ZFP69: variants seen among roughly 807,000 people sequenced by gnomAD.
ZFP69 encodes zinc finger protein 69 homolog.
A neutral mutation model predicts 48.9 loss-of-function variants in ZFP69; 35 were observed. The ratio of observed to expected loss-of-function variants is 0.72; its 90% CI spans 0.55 to 0.95. The LOEUF (loss-of-function observed/expected upper bound fraction) is 0.95. ZFP69 is among the 40% of genes least tolerant of loss of function. The pLI is 0.00. For synonymous variants in ZFP69, 193 were observed against 216.8 expected (o/e 0.89, Z 0.96); for missense variants, 557 against 638.4 (o/e 0.87, Z 1.37).
At chr1:40,494,019 C>T (rs1373983877) in intron 5 of ZFP69, among the ~76,000 whole-genome samples, 3 of 152,000 alleles carry the variant, frequency 2.0e-5, no homozygotes, top group Admixed American at 2.0e-4. Flanking sequence ...TATATATACA[C>T]ACACACAAGT....
chr1:40,489,487 T>A (rs1348935553), intron 4 of ZFP69, 42 bp from the exon 5 acceptor site: 5 of 1,554,700 alleles, frequency 3.2e-6, no homozygotes, highest in Non-Finnish European at 4.4e-6. Context: ...TTCTTAGACA[T>A]CAGCATAAAC....
Position 40,489,441 on chromosome 1 carries a change from C to G in ZFP69, c.347-88C>G, listed in dbSNP as rs74708729. On this transcript the variant is annotated intron_variant, in intron 4 of 5. Transcript: ENST00000372706. ...ACCCACCCCTTTCCACTTGTGGAGA[C>G]CCTGAATACCAGAAGACTCAAAATT... 913 of 1,267,892 alleles carry G rather than the reference C, an allele frequency of 7.2e-4. 8 individuals are homozygous for G. The African/African-American group carries it at 0.013, about 18-fold the overall frequency. 78.5% of individuals were successfully genotyped at this position (1,267,892 alleles called of 1,614,324 possible).
intron 2 of ZFP69, 64 bp downstream of exon 2, chr1:40,479,552 CA>C (rs1243457760): frequency 6.6e-7 from 1 of 1,509,210 alleles, no homozygotes; most frequent in Non-Finnish European, 8.9e-7. Context: ...GATAGGTACA[CA>C]CTTCATTGAA....
Position 40,479,395 on chromosome 1 carries a change from G to C in ZFP69, c.34G>C (p.Glu12Gln). ...GCAGCTCCTGATCACCCTGCCTACC[G>C]AGGCCAGCACCTGGGTGAAGCTGCA... is the stretch of plus-strand genomic sequence containing the variant. ...PQQLLITLPT[E>Q]ASTWVKLQHP... Residue 12 changes from glutamate to glutamine, a missense_variant, in exon 2 of 6, where the codon GAG becomes CAG. Coordinates refer to ENST00000372706, the MANE Select transcript of ZFP69 (RefSeq NM_001320179.2). 1 of 1,614,048 alleles carries C rather than the reference G, an allele frequency of 6.2e-7. No homozygotes were observed. Among genetic ancestry groups the C allele is most frequent in the Non-Finnish European group, 8.5e-7 (1 of 1,179,952 alleles).
chr1:40,482,589 T>C (rs1026067722), intron 3 of ZFP69, among the ~76,000 whole-genome samples: 1 of 152,202 alleles, frequency 6.6e-6, no homozygotes, highest in Non-Finnish European at 1.5e-5. Context: ...GTCTAGTTGC[T>C]CAGTGATCTG....
chr1:40,479,508 G>C lies in ZFP69; in HGVS notation c.127+20G>C, dbSNP rs568090917. On this transcript the variant is annotated intron_variant, in intron 2 of 5. Transcript: ENST00000372706. ...GAGAAGGTGAGAATGGACTGATGGAGGGGGAAGAAGGGGATCTCATTTGTG... is the reference window on the plus strand; with the variant it reads ...GAGAAGGTGAGAATGGACTGATGGACGGGGAAGAAGGGGATCTCATTTGTG... 6.3e-7 allele frequency: 1 copy of C among 1,599,406 alleles called. No homozygotes were observed. The highest frequency in any genetic ancestry group is 8.5e-7 in the Non-Finnish European group (1 of 1,172,032).
chr1:40,481,068 A>G (rs1645438708), intron 2 of ZFP69, among the ~76,000 whole-genome samples: 1 of 152,132 alleles, frequency 6.6e-6, no homozygotes, highest in African/African-American at 2.4e-5. Flanking sequence ...CGGCCTCCCA[A>G]AGTTCTGAGA....
At chr1:40,491,073 T>C (rs1281084989) in intron 5 of ZFP69, 1 of 152,204 alleles carries the variant, frequency 6.6e-6, no homozygotes, top group Non-Finnish European at 1.5e-5. Flanking sequence ...GTAAAAGCAG[T>C]CTATATATCA....
At chr1:40,486,472 T>G (rs76590950) in intron 3 of ZFP69, among the ~76,000 whole-genome samples, 1 of 91,598 alleles carries the variant, frequency 1.1e-5, no homozygotes, top group South Asian at 6.0e-4. Context: ...CCTCCCTCCT[T>G]TCTTCCTCCC....
In ZFP69 at chr1:40,495,876, A is replaced by T. The variant is rs768846761; in HGVS notation, c.1398A>T (p.Ala466=). ...NHKTVHTGVK[A]YECNRCGKAY... ...AAACTGTTCATACAGGAGTGAAAGCATATGAATGCAACCGCTGTGGAAAAG... is the reference window on the plus strand; with the variant it reads ...AAACTGTTCATACAGGAGTGAAAGCTTATGAATGCAACCGCTGTGGAAAAG... Residue 466 remains alanine, a synonymous_variant, in exon 6 of 6, where the codon GCA becomes GCT. Coordinates refer to ENST00000372706, the MANE Select transcript of ZFP69 (RefSeq NM_001320179.2). 2 of 1,614,230 alleles carry T rather than the reference A, an allele frequency of 1.2e-6. No homozygotes were observed. Among genetic ancestry groups the T allele is most frequent in the Non-Finnish European group, 1.7e-6 (2 of 1,180,028 alleles).
At chr1:40,488,066 C>G (rs373898722) in intron 3 of ZFP69, among the ~76,000 whole-genome samples, 1 of 150,406 alleles carries the variant, frequency 6.6e-6, no homozygotes, top group Non-Finnish European at 1.5e-5. Flanking sequence ...AAAGTGATCT[C>G]TAAGCCGGGC....
chr1:40,489,719 ATT>A, intron 5 of ZFP69, 95 bp downstream of exon 5: 1 of 865,938 alleles, frequency 1.2e-6, no homozygotes, highest in Non-Finnish European at 1.8e-6. Context: ...TTGGCTAATG[ATT>A]CTGCAGGCTG....
rs77773735 is a variant in ZFP69 at position 40,489,685 on chromosome 1, A to G, written c.442+61A>G. The G allele has an allele frequency of 4.2e-3, 5,345 of 1,260,128 alleles. 194 individuals are homozygous for G. The East Asian group carries it at 0.096, about 23-fold the overall frequency. 78.1% of individuals were successfully genotyped at this position (1,260,128 alleles called of 1,614,324 possible). A position where few individuals can be genotyped will look rare whatever the true frequency, so the allele number is the denominator to read the frequency against. On this transcript the variant is annotated intron_variant, in intron 5 of 5. Coordinates refer to ENST00000372706, the MANE Select transcript of ZFP69 (RefSeq NM_001320179.2). Reference sequence around the variant, plus strand: ...TATAAAGGAATACCTGAAACTTCATAATTTATAAAGAAAAGAAGTTTAATT... The same window carrying G: ...TATAAAGGAATACCTGAAACTTCATGATTTATAAAGAAAAGAAGTTTAATT...
intron 3 of ZFP69, among the ~76,000 whole-genome samples, chr1:40,483,714 C>T (rs929758657): frequency 2.6e-5 from 4 of 152,118 alleles, no homozygotes; most frequent in African/African-American, 7.2e-5. Context: ...AATAAAGCTG[C>T]AATATATTCC....
chr1:40,495,339 T>A lies in ZFP69; in HGVS notation c.861T>A (p.Thr287=). ...EKIFKQPIHL[T]EHMRIHTGEK... is the part of the protein sequence containing the mutation. The stretch of plus-strand genomic sequence containing the variant: ...TCTTCAAACAACCTATTCACCTTAC[T>A]GAACATATGAGAATTCATACTGGTG... The change falls in exon 6 of 6, where the codon ACT becomes ACA. Residue 287 remains threonine, a synonymous_variant. Transcript: ENST00000372706. The A allele has an allele frequency of 1.9e-6, 3 of 1,614,198 alleles. No homozygotes were observed. Among genetic ancestry groups the A allele is most frequent in the Non-Finnish European group, 2.5e-6 (3 of 1,180,030 alleles).
In ZFP69 at chr1:40,495,185, T is replaced by G. The variant is rs1285294240; in HGVS notation, c.707T>G (p.Val236Gly). 1 of 1,614,056 alleles carries G rather than the reference T, an allele frequency of 6.2e-7. No homozygotes were observed. The highest frequency in any genetic ancestry group is 8.5e-7 in the Non-Finnish European group (1 of 1,179,964). ...GAAAATATCATTGTGCATTCAAATG[T>G]TATTATTGAACAGAGGCACCATAAA... is the stretch of plus-strand genomic sequence containing the variant. ...FGENIIVHSN[V>G]IIEQRHHKYD... Residue 236 changes from valine to glycine, a missense_variant, in exon 6 of 6, where the codon GTT becomes GGT. Transcript: ENST00000372706.
At chr1:40,490,393 C>T (rs948978977) in intron 5 of ZFP69, among the ~76,000 whole-genome samples, 1 of 152,160 alleles carries the variant, frequency 6.6e-6, no homozygotes, top group Non-Finnish European at 1.5e-5. Flanking sequence ...TCAGAGTGCT[C>T]AAAGCCTCGG....
At chr1:40,481,321 C>T (rs1289118074) in intron 2 of ZFP69, among the ~76,000 whole-genome samples, 3 of 152,042 alleles carry the variant, frequency 2.0e-5, no homozygotes, top group Non-Finnish European at 4.4e-5. Flanking sequence ...AGTAGCAGTA[C>T]CCATTGTTGA....
rs370611233 is a variant in ZFP69, at chr1:40,478,701, A to G, written c.-326-335A>G. 2.0e-5 allele frequency among the ~76,000 whole-genome samples: 3 copies of G among 152,326 alleles called. No homozygotes were observed. In the East Asian group the frequency reaches 5.8e-4, roughly 29 times the overall value. ...CTCAACCAACATTACAACTCTATAG[A>G]ATACAATTATTATCTCCATTTTATA... On this transcript the variant is annotated intron_variant, in intron 1 of 5. Transcript: ENST00000372706.
Sources: allele counts gnomAD v4.1 joint callset (sites outside exome capture counted in the v4.1 genomes callset), GRCh38; gene constraint gnomAD v4.1.1; transcripts MANE v1.5; gene names NCBI Gene and HGNC (gene_info 2026-07-23, HGNC 2026-07-21).